Variants in MNT observed in about 807,000 individuals in gnomAD.
The protein encoded by MNT is MAX network transcriptional repressor, also known as max-binding protein MNT.
MNT carries 13 observed loss-of-function variants against 40.7 expected under a neutral mutation model. That is an observed-to-expected ratio of 0.32 (90% confidence interval 0.21 to 0.51). The LOEUF is 0.51. MNT is among the 20% of genes least tolerant of loss of function. MNT has a pLI of 0.98. For synonymous variants in MNT, 426 were observed against 354.8 expected (o/e 1.20, Z -2.26); for missense variants, 757 against 792.0 (o/e 0.96, Z 0.53).
At chr17:2,398,543 A>C (rs1258029569) in intron 1 of MNT, among the ~76,000 whole-genome samples, 2 of 152,206 alleles carry the variant, frequency 1.3e-5, no homozygotes, top group Non-Finnish European at 2.9e-5. Flanking sequence ...TGAATTCTGG[A>C]GGAGAAACTG....
intron 4 of MNT, 79 bp downstream of exon 4, chr17:2,393,964 G>A (rs893127107): frequency 9.5e-6 from 9 of 949,552 alleles, no homozygotes; most frequent in African/African-American, 1.8e-5. Flanking sequence ...GCGTGAGGGC[G>A]GGGCGGGGCG....
rs879040358 is a variant in MNT, at chr17:2,394,273, G to GCACACACACACACACACACACACA, written c.695+31_695+32insTGTGTGTGTGTGTGTGTGTGTGTG. 5.8e-5 allele frequency: 78 copies of GCACACACACACACACACACACACA among 1,352,000 alleles called. No individual in the cohort carries two copies. In the African/African-American group the frequency reaches 1.5e-3, roughly 25 times the overall value. 83.8% of individuals were successfully genotyped at this position (1,352,000 alleles called of 1,614,324 possible). On this transcript the variant is annotated intron_variant, in intron 3 of 5. Coordinates refer to ENST00000174618, the MANE Select transcript of MNT (RefSeq NM_020310.3). ...GGGCCCGGGTCGCGCGCGCACGCAC[G>GCACACACACACACACACACACACA]CACGCACACACACACACACACACAC...
chr17:2,386,906 C>A lies in MNT; in HGVS notation c.1744G>T (p.Ala582Ser). 6.8e-7 allele frequency: 1 copy of A among 1,470,500 alleles called. No homozygotes were observed. The highest frequency in any genetic ancestry group is 2.4e-5 in the East Asian group (1 of 41,304). The allele number at this position is 1,470,500 out of a possible 1,614,324, so 91.1% of individuals were successfully genotyped here. A position where few individuals can be genotyped will look rare whatever the true frequency, so the allele number is the denominator to read the frequency against. The stretch of plus-strand genomic sequence containing the variant: ...GCCTCTGAGTGGCCTCGTCCTCAAG[C>A]CAGCTTGAGTGTGCTGACTGGGAAG... ...PSFPVSTLKLA is the reference protein window; with the variant it reads ...PSFPVSTLKLS The change falls in exon 6 of 6, where the codon GCT becomes TCT. Residue 582 changes from alanine to serine, a missense_variant. Coordinates refer to ENST00000174618, the MANE Select transcript of MNT (RefSeq NM_020310.3).
At chr17:2,400,336 G>A (rs960165233) in intron 1 of MNT, 5 of 308,944 alleles carry the variant, frequency 1.6e-5, no homozygotes, top group Admixed American at 1.1e-4. Flanking sequence ...CATCCTCAGT[G>A]CCACCGAGGG....
At chr17:2,400,427 C>G (rs2066606967) in intron 1 of MNT, 1 of 470,204 alleles carries the variant, frequency 2.1e-6, no homozygotes, top group South Asian at 2.9e-5. Flanking sequence ...CCGCAGGAGC[C>G]AGGTCCCTCG....
At chr17:2,397,496 C>G (rs1285473685) in intron 1 of MNT, among the ~76,000 whole-genome samples, 1 of 152,184 alleles carries the variant, frequency 6.6e-6, no homozygotes, top group Non-Finnish European at 1.5e-5. Context: ...CCCTGAGTCA[C>G]AAGGACATGT....
chr17:2,393,786 G>T (rs928661809), intron 4 of MNT: 2 of 192,028 alleles, frequency 1.0e-5, no homozygotes, highest in South Asian at 1.9e-4. Context: ...GCGCCTCACG[G>T]CCCCGGGGAC....
chr17:2,393,214 C>T (rs1245588618), intron 4 of MNT, among the ~76,000 whole-genome samples: 1 of 151,534 alleles, frequency 6.6e-6, no homozygotes, highest in Non-Finnish European at 1.5e-5. Flanking sequence ...GGCTGCCGGC[C>T]CATCCCCCAC....
intron 1 of MNT, among the ~76,000 whole-genome samples, chr17:2,397,371 C>T (rs1246517486): frequency 6.6e-6 from 1 of 152,118 alleles, no homozygotes; most frequent in Non-Finnish European, 1.5e-5. Context: ...GGCTCTGGAT[C>T]CCAGGGCCTA....
Position 2,394,279 on chromosome 17 carries a change from A to ACGCG in MNT, c.695+25_695+26insCGCG, listed in dbSNP as rs757097309. On this transcript the variant is annotated intron_variant, in intron 3 of 5. Coordinates refer to ENST00000174618, the MANE Select transcript of MNT (RefSeq NM_020310.3). ...GGGTCGCGCGCGCACGCACGCACGC[A>ACGCG]CACACACACACACACACACACACAC... is the stretch of plus-strand genomic sequence containing the variant. The ACGCG allele has an allele frequency of 4.3e-5, 31 of 726,560 alleles. No homozygotes were observed. In the African/African-American group the frequency reaches 4.3e-4, roughly 10 times the overall value. The allele number at this position is 726,560 out of a possible 1,614,324, so 45.0% of individuals were successfully genotyped here.
At chr17:2,393,342 C>G (rs1319769825) in intron 4 of MNT, among the ~76,000 whole-genome samples, 1 of 152,174 alleles carries the variant, frequency 6.6e-6, no homozygotes, top group African/African-American at 2.4e-5. Context: ...GAGGGAGCGA[C>G]GCCCAAAGGG....
chr17:2,388,700 G>GC (rs1204976477), intron 4 of MNT, among the ~76,000 whole-genome samples: 3 of 152,034 alleles, frequency 2.0e-5, no homozygotes, highest in Admixed American at 2.0e-4. Context: ...CTAGGAACGT[G>GC]CCCCCTGTAC....
Position 2,386,850 on chromosome 17 carries a change from G to T in MNT, c.*51C>A. The T allele has an allele frequency of 2.8e-6, 4 of 1,436,198 alleles. No individual in the cohort carries two copies. The highest frequency in any genetic ancestry group is 3.7e-6 in the Non-Finnish European group (4 of 1,090,954). The allele number at this position is 1,436,198 out of a possible 1,614,324, so 89.0% of individuals were successfully genotyped here. A position where few individuals can be genotyped will look rare whatever the true frequency, so the allele number is the denominator to read the frequency against. ...TGGAGCTGGTGGGTGAGAGAGTGGG[G>T]GACAGGTCCCCCTCCCTGTCCCCAC... On this transcript the variant is annotated 3_prime_UTR_variant, in exon 6 of 6. Coordinates refer to ENST00000174618, the MANE Select transcript of MNT (RefSeq NM_020310.3).
At chr17:2,399,180 G>A (rs931580177) in intron 1 of MNT, among the ~76,000 whole-genome samples, 1 of 152,134 alleles carries the variant, frequency 6.6e-6, no homozygotes, top group South Asian at 2.1e-4. Context: ...GGGGGGCGGG[G>A]AGGGCACAGG....
At chr17:2,390,086 A>G (rs1321403638) in intron 4 of MNT, 1 of 152,258 alleles carries the variant, frequency 6.6e-6, no homozygotes. Flanking sequence ...TTTCCGCCTC[A>G]ACACACACTG....
In MNT at chr17:2,395,439, A is replaced by G; in HGVS notation, c.89T>C (p.Leu30Pro). 6.2e-7 allele frequency: 1 copy of G among 1,612,202 alleles called. No individual in the cohort carries two copies. Among genetic ancestry groups the G allele is most frequent in the Non-Finnish European group, 8.5e-7 (1 of 1,179,560 alleles). ...CTGCTCTCGCTCCTGCTCCAAGCGA[A>G]GCCGCTCCTGCTCCTCTACACAGAG... ...QQRAREEQER[L>P]RLEQEREQEQ... Residue 30 changes from leucine to proline, a missense_variant, in exon 2 of 6, where the codon CTT becomes CCT. Physicochemically the swap from Leu to Pro is moderately conservative, Grantham distance 98. This residue lies in a region of MNT where 335 missense variants were observed against 291.4 expected (regional missense o/e 1.15). Coordinates refer to ENST00000174618, the MANE Select transcript of MNT (RefSeq NM_020310.3).
intron 1 of MNT, among the ~76,000 whole-genome samples, chr17:2,398,840 A>G (rs150432552): frequency 0.016 from 2,377 of 152,244 alleles, 73 homozygotes; most frequent in African/African-American, 0.055. Context: ...TGGACCATCA[A>G]GGCAACAGCC....
intron 4 of MNT, chr17:2,392,664 G>C (rs1332733130): frequency 6.6e-6 from 1 of 152,006 alleles, no homozygotes; most frequent in African/African-American, 2.4e-5. Context: ...TCTCCCGCTC[G>C]GCGCCCCGAG....
At chr17:2,389,977 GA>G (rs2066499977) in intron 4 of MNT, 1 of 151,848 alleles carries the variant, frequency 6.6e-6, no homozygotes, top group African/African-American at 2.4e-5. Context: ...GGAGGGTGAA[GA>G]AAAGAGCCCC....
Sources: allele counts gnomAD v4.1 joint callset (sites outside exome capture counted in the v4.1 genomes callset), GRCh38; gene constraint gnomAD v4.1.1; regional missense constraint gnomAD v4.1.1; transcripts MANE v1.5; gene names NCBI Gene and HGNC (gene_info 2026-07-23, HGNC 2026-07-21).